FHIT: variants seen among roughly 807,000 people sequenced by gnomAD.
FHIT encodes the protein bis(5'-adenosyl)-triphosphatase.
Under a neutral mutation model 17.9 loss-of-function variants are expected in FHIT, and 19 were observed. That is an observed-to-expected ratio of 1.06 (90% confidence interval 0.74 to 1.56). FHIT has a LOEUF of 1.56. Among genes scored for constraint, FHIT ranks in the 40% most tolerant of loss-of-function variants. The pLI, the probability that FHIT is intolerant of heterozygous loss-of-function variation, is 0.00. For synonymous variants in FHIT, 81 were observed against 69.7 expected (o/e 1.16, Z -0.81); for missense variants, 248 against 189.2 (o/e 1.31, Z -1.82).
chr3:60,979,119 T>C (rs915575923), intron 3 of FHIT, among the ~76,000 whole-genome samples: 2 of 152,220 alleles, frequency 1.3e-5, no homozygotes, highest in African/African-American at 4.8e-5. Context: ...TTAATTCAGT[T>C]CTTAGGCTTG....
intron 8 of FHIT, among the ~76,000 whole-genome samples, chr3:59,804,619 C>T (rs992708902): frequency 4.6e-5 from 7 of 152,100 alleles, no homozygotes; most frequent in African/African-American, 1.7e-4. Context: ...GGTGTATGCC[C>T]TATGTAAATG....
chr3:61,138,929 G>T (rs2036994365), intron 2 of FHIT, among the ~76,000 whole-genome samples: 1 of 152,116 alleles, frequency 6.6e-6, no homozygotes, highest in South Asian at 2.1e-4. Context: ...GAAATCAGCT[G>T]AAGGTCCTGC....
intron 8 of FHIT, among the ~76,000 whole-genome samples, chr3:59,824,525 T>C (rs766977166): frequency 6.6e-6 from 1 of 152,260 alleles, no homozygotes; most frequent in Non-Finnish European, 1.5e-5. Context: ...TTTGAATTGA[T>C]AGGCCCTTTG....
At chr3:60,475,506 C>G (rs567524272) in intron 5 of FHIT, among the ~76,000 whole-genome samples, 9 of 152,162 alleles carry the variant, frequency 5.9e-5, no homozygotes, top group Non-Finnish European at 1.2e-4. Context: ...ATTGGAGGTG[C>G]ACTTGTGCGC....
At chr3:60,242,342 C>G (rs544371522) in intron 5 of FHIT, among the ~76,000 whole-genome samples, 53 of 152,112 alleles carry the variant, frequency 3.5e-4, no homozygotes, top group African/African-American at 1.2e-3. Context: ...ATATTTCACC[C>G]CAAACCGTTT....
intron 2 of FHIT, among the ~76,000 whole-genome samples, chr3:61,053,613 G>C (rs756008285): frequency 6.6e-6 from 1 of 151,904 alleles, no homozygotes; most frequent in East Asian, 1.9e-4. Flanking sequence ...AGCCTAGATC[G>C]TGCCATTGCA....
intron 2 of FHIT, among the ~76,000 whole-genome samples, chr3:61,105,394 G>A (rs1267020006): frequency 6.6e-6 from 1 of 151,902 alleles, no homozygotes; most frequent in Non-Finnish European, 1.5e-5. Flanking sequence ...TACTTGTATT[G>A]TTTTAATTTT....
At chr3:61,132,648 T>C (rs979195190) in intron 2 of FHIT, among the ~76,000 whole-genome samples, 3 of 152,058 alleles carry the variant, frequency 2.0e-5, no homozygotes, top group Non-Finnish European at 4.4e-5. Context: ...CCCAAGGGTG[T>C]TGAATGAAGG....
intron 5 of FHIT, among the ~76,000 whole-genome samples, chr3:60,190,984 T>C (rs1029472002): frequency 1.1e-4 from 16 of 152,028 alleles, no homozygotes; most frequent in Non-Finnish European, 2.1e-4. Context: ...GTCTTTTTCC[T>C]GTGACTGGGA....
At chr3:60,652,490 T>C (rs2040014134) in intron 4 of FHIT, among the ~76,000 whole-genome samples, 1 of 151,980 alleles carries the variant, frequency 6.6e-6, no homozygotes, top group East Asian at 1.9e-4. Context: ...TCCCAGCACT[T>C]TGGGAGGCCC....
chr3:60,623,765 C>G (rs572404263), intron 4 of FHIT, among the ~76,000 whole-genome samples: 1 of 152,094 alleles, frequency 6.6e-6, no homozygotes, highest in African/African-American at 2.4e-5. Flanking sequence ...GTCCTCGTTT[C>G]GGCGTGTCTT....
At chr3:61,192,777 C>CA (rs66915314) in intron 2 of FHIT, among the ~76,000 whole-genome samples, 8 of 150,624 alleles carry the variant, frequency 5.3e-5, no homozygotes, top group African/African-American at 7.3e-5. Flanking sequence ...ATTCTCTCTA[C>CA]AAAAAAAAAG....
At chr3:60,241,200 A>C (rs1705112501) in intron 5 of FHIT, among the ~76,000 whole-genome samples, 1 of 152,114 alleles carries the variant, frequency 6.6e-6, no homozygotes, top group East Asian at 1.9e-4. Context: ...ACTTCTTCCT[A>C]AATTCTGTCA....
At chr3:60,032,299 A>T (rs963160137) in intron 5 of FHIT, among the ~76,000 whole-genome samples, 1 of 152,056 alleles carries the variant, frequency 6.6e-6, no homozygotes, top group Non-Finnish European at 1.5e-5. Flanking sequence ...ATATCTAAAA[A>T]AAATTAGCTG....
At chr3:60,640,780 T>C (rs1185794871) in intron 4 of FHIT, among the ~76,000 whole-genome samples, 1 of 152,226 alleles carries the variant, frequency 6.6e-6, no homozygotes, top group Non-Finnish European at 1.5e-5. Flanking sequence ...CTCATTTTAT[T>C]GCATGCTACT....
intron 2 of FHIT, among the ~76,000 whole-genome samples, chr3:61,071,764 C>G (rs2034816136): frequency 1.3e-5 from 2 of 151,808 alleles, no homozygotes; most frequent in Admixed American, 1.3e-4. Flanking sequence ...AGTGTATAAG[C>G]AGGGTGTGTG....
intron 5 of FHIT, among the ~76,000 whole-genome samples, chr3:60,478,125 A>G (rs1458852612): frequency 6.6e-6 from 1 of 152,250 alleles, no homozygotes; most frequent in African/African-American, 2.4e-5. Flanking sequence ...TATGCCAGGC[A>G]CTGGATAAGC....
rs189066657 is a variant in FHIT, at chr3:59,971,126, A to G, written c.279+40245T>C. Among the ~76,000 whole-genome samples, 3 of 152,172 alleles carry G rather than the reference A, an allele frequency of 2.0e-5. No individual in the cohort carries two copies. The East Asian group carries it at 5.8e-4, about 29-fold the overall frequency. On this transcript the variant is annotated intron_variant, in intron 7 of 9. Coordinates refer to ENST00000492590, the MANE Select transcript of FHIT (RefSeq NM_002012.4). ...CACCGTAATGCCACATATTAATTTA[A>G]ATGATTCTCTCAGAATGATTCTGTG...
In FHIT at chr3:60,129,048, TG is replaced by T. The variant is rs1699397742; in HGVS notation, c.104-114897del. Among the ~76,000 whole-genome samples, 41 of 112,886 alleles carry T rather than the reference TG, an allele frequency of 3.6e-4. 1 individual carries two copies. The highest frequency in any genetic ancestry group is 1.1e-3 in the African/African-American group (26 of 24,060). The allele number at this position is 112,886 out of a possible 152,430, so 74.1% of individuals were successfully genotyped here. ...TTTTCCCTTTTCTTCTTTCCTTTTTTGTTTGTTTTTTTTTTTTTTTTTGAAA... is the reference window on the plus strand; with the variant it reads ...TTTTCCCTTTTCTTCTTTCCTTTTTTTTTGTTTTTTTTTTTTTTTTTGAAA... On this transcript the variant is annotated intron_variant, in intron 5 of 9. Transcript: ENST00000492590.
Sources: allele counts gnomAD v4.1 joint callset (sites outside exome capture counted in the v4.1 genomes callset), GRCh38; gene constraint gnomAD v4.1.1; transcripts MANE v1.5; gene names NCBI Gene and HGNC (gene_info 2026-07-23, HGNC 2026-07-21).